The following TSHZ2 variants were observed in gnomAD, a reference collection of about 807,000 sequenced individuals.
The protein encoded by TSHZ2 is teashirt zinc finger homeobox 2, also known as teashirt homolog 2.
A neutral mutation model predicts 74.4 loss-of-function variants in TSHZ2; 21 were observed. The observed-to-expected ratio is 0.28, with a 90% CI of 0.20 to 0.41. The LOEUF (loss-of-function observed/expected upper bound fraction) is 0.41, where lower values mean the gene tolerates loss of function less well. Among genes scored for constraint, TSHZ2 ranks in the 10% least tolerant of loss-of-function variants. The pLI, the probability that TSHZ2 is intolerant of heterozygous loss-of-function variation, is 1.00. For synonymous variants in TSHZ2, 540 were observed against 515.3 expected, an observed-to-expected ratio of 1.05 and a Z score of -0.65; for missense variants, 1,244 against 1,293.5, an observed-to-expected ratio of 0.96 and a Z score of 0.59.
Position 53,254,331 on chromosome 20 carries a change from C to A in TSHZ2, c.873C>A (p.Ser291Arg). The change falls in exon 2 of 3, where the codon AGC becomes AGA. Residue 291 changes from serine (S) to arginine (R), a missense_variant. This residue lies in a region of TSHZ2 where 470 missense variants were observed against 456.5 expected (regional missense o/e 1.03). Transcript: ENST00000371497. ...CCTTTGATTCCCTCCAAGATTTGAGCGTCCACATGATTAAAACAAAACATT... is the reference window on the plus strand; with the variant it reads ...CCTTTGATTCCCTCCAAGATTTGAGAGTCCACATGATTAAAACAAAACATT... The part of the protein sequence containing the change: ...GDSFDSLQDL[S>R]VHMIKTKHYQ... 1.2e-6 allele frequency: 2 copies of A among 1,614,106 alleles called. No homozygotes were observed. The highest frequency in any genetic ancestry group is 2.2e-5 in the East Asian group (1 of 44,872).
intron 1 of TSHZ2, among the ~76,000 whole-genome samples, chr20:53,199,004 T>G (rs890715339): frequency 6.6e-6 from 1 of 152,298 alleles, no homozygotes; most frequent in Non-Finnish European, 1.5e-5. Flanking sequence ...CAGATCACTA[T>G]TGGAATCCCA....
intron 2 of TSHZ2, among the ~76,000 whole-genome samples, chr20:53,441,706 C>T (rs928462872): frequency 3.3e-5 from 5 of 151,952 alleles, no homozygotes; most frequent in Non-Finnish European, 7.4e-5. Flanking sequence ...CCTCAGCCTC[C>T]GAGTAGCTGG....
intron 1 of TSHZ2, among the ~76,000 whole-genome samples, chr20:53,119,185 C>T (rs956445742): frequency 3.9e-5 from 6 of 152,114 alleles, no homozygotes; most frequent in Admixed American, 6.5e-5. Flanking sequence ...AGGTATTCAT[C>T]GAGTCTCCTG....
chr20:52,989,164 C>CAAAA (rs3995491), intron 1 of TSHZ2, among the ~76,000 whole-genome samples: 21 of 126,166 alleles, frequency 1.7e-4, no homozygotes, highest in African/African-American at 5.7e-4. Context: ...CTCTGTCTGG[C>CAAAA]AAAAAAAAAA....
At chr20:53,121,930 A>G (rs1986820849) in intron 1 of TSHZ2, among the ~76,000 whole-genome samples, 1 of 152,154 alleles carries the variant, frequency 6.6e-6, no homozygotes, top group Non-Finnish European at 1.5e-5. Flanking sequence ...TTAAAATGTC[A>G]TCTACATTAG....
intron 1 of TSHZ2, among the ~76,000 whole-genome samples, chr20:53,161,446 T>C (rs958783238): frequency 5.9e-5 from 9 of 152,204 alleles, no homozygotes; most frequent in East Asian, 1.9e-4. Flanking sequence ...GTAGTCCGTT[T>C]TCACAGTTCT....
At chr20:53,111,790 G>A (rs745549257) in intron 1 of TSHZ2, among the ~76,000 whole-genome samples, 55 of 152,204 alleles carry the variant, frequency 3.6e-4, no homozygotes, top group Non-Finnish European at 6.2e-4. Flanking sequence ...AGGAAAGTCA[G>A]TGTTTCCTTC....
intron 1 of TSHZ2, among the ~76,000 whole-genome samples, chr20:53,072,267 C>T (rs560055690): frequency 4.6e-5 from 7 of 152,246 alleles, no homozygotes; most frequent in African/African-American, 1.7e-4. Flanking sequence ...TAAAGGGATG[C>T]ATCCCATGTT....
chr20:53,284,705 T>C (rs2145443031), intron 2 of TSHZ2, among the ~76,000 whole-genome samples: 1 of 151,488 alleles, frequency 6.6e-6, no homozygotes, highest in South Asian at 2.1e-4. Flanking sequence ...TTTTCCCCCC[T>C]ACACGCCCGT....
intron 2 of TSHZ2, among the ~76,000 whole-genome samples, chr20:53,390,671 G>A (rs1320976743): frequency 6.6e-6 from 1 of 152,202 alleles, no homozygotes; most frequent in Non-Finnish European, 1.5e-5. Context: ...ACCCAGTAAT[G>A]GGATTGCTGG....
intron 2 of TSHZ2, among the ~76,000 whole-genome samples, chr20:53,438,048 A>T (rs1984158323): frequency 6.6e-6 from 1 of 151,900 alleles, no homozygotes; most frequent in African/African-American, 2.4e-5. Flanking sequence ...AAAACAGACT[A>T]ATACACAGCC....
Position 53,453,277 on chromosome 20 carries a change from C to T in TSHZ2, c.*9-33867C>T, listed in dbSNP as rs981449730. Reference sequence around the variant, plus strand: ...AATATCTTCCAGGGAGGGCAGATGGCGGCCTGTACAATGAACAATTTAATC... The same window carrying T: ...AATATCTTCCAGGGAGGGCAGATGGTGGCCTGTACAATGAACAATTTAATC... On this transcript the variant is annotated intron_variant, in intron 2 of 2. Transcript: ENST00000371497. 2.6e-5 allele frequency among the ~76,000 whole-genome samples: 4 copies of T among 152,278 alleles called. No individual in the cohort carries two copies. The South Asian group carries it at 6.2e-4, about 24-fold the overall frequency.
chr20:53,293,884 T>G (rs970783333), intron 2 of TSHZ2, among the ~76,000 whole-genome samples: 3 of 151,718 alleles, frequency 2.0e-5, no homozygotes, highest in African/African-American at 7.3e-5. Flanking sequence ...GGCGCAGTGG[T>G]GCATGTCTGT....
At chr20:53,047,012 CAG>C (rs1383548673) in intron 1 of TSHZ2, among the ~76,000 whole-genome samples, 4 of 146,038 alleles carry the variant, frequency 2.7e-5, no homozygotes, top group Admixed American at 6.8e-5. Context: ...TGGAAAGAGA[CAG>C]AGGCGTAAGG....
intron 1 of TSHZ2, among the ~76,000 whole-genome samples, chr20:53,064,196 G>C (rs1984905881): frequency 6.6e-6 from 1 of 152,000 alleles, no homozygotes; most frequent in African/African-American, 2.4e-5. Flanking sequence ...GATCCGAATG[G>C]GGAAAAGACC....
intron 2 of TSHZ2, among the ~76,000 whole-genome samples, chr20:53,378,551 A>G (rs1981745005): frequency 6.6e-6 from 1 of 152,236 alleles, no homozygotes; most frequent in Admixed American, 6.5e-5. Flanking sequence ...CTGAATATTC[A>G]TAACAAATTT....
At chr20:53,417,241 GAC>G (rs56822266) in intron 2 of TSHZ2, among the ~76,000 whole-genome samples, 69,711 of 137,832 alleles carry the variant, frequency 0.51, 17,557 homozygotes, top group East Asian at 0.65. Context: ...GACACACACA[GAC>G]ACACACACAC....
chr20:53,165,010 C>T (rs1988033125), intron 1 of TSHZ2, among the ~76,000 whole-genome samples: 1 of 152,084 alleles, frequency 6.6e-6, no homozygotes, highest in Non-Finnish European at 1.5e-5. Flanking sequence ...TTCCAATATC[C>T]CTGCCTAGTG....
At position 53,255,554 on chromosome 20, in the gene TSHZ2, A is replaced by G. The variant is rs934893267; in HGVS notation, c.2096A>G (p.Gln699Arg). The G allele has an allele frequency of 2.5e-6, 4 of 1,584,852 alleles. No homozygotes were observed. The African/African-American group carries it at 5.4e-5, about 21-fold the overall frequency. The stretch of plus-strand genomic sequence containing the variant: ...TGCATCAACCCACTCAGCGCCCTGC[A>G]GTCCGTCCTGAACAATCACTTGGGC... Reference protein sequence around the residue: ...LPCINPLSALQSVLNNHLGKA... With the variant: ...LPCINPLSALRSVLNNHLGKA... Residue 699 changes from glutamine (Q) to arginine (R), a missense_variant, in exon 2 of 3, where the codon CAG (glutamine) becomes CGG (arginine). This residue lies in a region of TSHZ2 where 562 missense variants were observed against 544.0 expected (regional missense o/e 1.03). Transcript: ENST00000371497. This position sits in a 1 kb window ranked among gnomAD's most constrained non-coding sequence, Gnocchi z 4.1.
Sources: gnomAD v4.1 joint callset for allele counts (sites outside exome capture counted in the v4.1 genomes callset) on GRCh38, gnomAD v4.1.1 for gene constraint, gnomAD v4.1.1 regional missense constraint, Gnocchi (gnomAD v3.1) non-coding constraint, MANE v1.5 for transcripts, NCBI Gene and HGNC (gene_info 2026-07-23, HGNC 2026-07-21) for gene names.